RABGAP1L: variants seen among roughly 807,000 people sequenced by gnomAD.
RABGAP1L encodes rab GTPase-activating protein 1-like.
A neutral mutation model predicts 137.7 loss-of-function variants in RABGAP1L; 63 were observed. The observed-to-expected ratio is 0.46, with a 90% CI of 0.37 to 0.56. The LOEUF (loss-of-function observed/expected upper bound fraction) is 0.56. Among genes scored for constraint, RABGAP1L ranks in the 20% least tolerant of loss-of-function variants. The probability of loss-of-function intolerance (pLI) is 0.00; values close to 1 mark genes in which losing one functional copy is unlikely to be tolerated. For synonymous variants in RABGAP1L, 431 were observed against 433.7 expected (o/e 0.99, Z 0.08); for missense variants, 1,095 against 1,244.0 (o/e 0.88, Z 1.80).
intron 11 of RABGAP1L, among the ~76,000 whole-genome samples, chr1:174,320,062 A>T (rs1290426279): frequency 6.6e-6 from 1 of 152,152 alleles, no homozygotes; most frequent in Non-Finnish European, 1.5e-5. Context: ...GTGGGTTTTG[A>T]TACAGAACCA....
chr1:174,341,101 AG>A (rs1681934705), intron 11 of RABGAP1L, among the ~76,000 whole-genome samples: 1 of 151,330 alleles, frequency 6.6e-6, no homozygotes, highest in Admixed American at 6.6e-5. Flanking sequence ...GCCACTTTTT[AG>A]TGGGGTTTTG....
intron 14 of RABGAP1L, among the ~76,000 whole-genome samples, chr1:174,662,405 GGTT>G (rs1438623575): frequency 6.7e-6 from 1 of 148,310 alleles, no homozygotes; most frequent in Non-Finnish European, 1.5e-5. Context: ...CGCCTGGCCT[GGTT>G]GTTTGTTTGT....
At chr1:174,285,463 A>G (rs1675974329) in intron 10 of RABGAP1L, among the ~76,000 whole-genome samples, 1 of 150,780 alleles carries the variant, frequency 6.6e-6, no homozygotes, top group Admixed American at 6.6e-5. Flanking sequence ...ATAGAAATAC[A>G]AGCAAATTTT....
chr1:174,867,340 C>CA (rs1308647485), intron 19 of RABGAP1L, among the ~76,000 whole-genome samples: 109 of 139,084 alleles, frequency 7.8e-4, no homozygotes, highest in African/African-American at 1.4e-3. Flanking sequence ...GAGATCGCGC[C>CA]AAAAAAAAAA....
chr1:174,820,654 TA>T (rs1690919751), intron 19 of RABGAP1L, among the ~76,000 whole-genome samples: 1 of 152,174 alleles, frequency 6.6e-6, no homozygotes, highest in African/African-American at 2.4e-5. Context: ...TTAATTCCCT[TA>T]TTGGGGGTTA....
intron 11 of RABGAP1L, among the ~76,000 whole-genome samples, chr1:174,359,027 A>G (rs1182678937): frequency 6.6e-6 from 1 of 152,240 alleles, no homozygotes; most frequent in East Asian, 1.9e-4. Context: ...CCTAACCTGA[A>G]TTATGATGGA....
At chr1:174,689,173 A>C (rs953690167) in intron 15 of RABGAP1L, among the ~76,000 whole-genome samples, 2 of 152,002 alleles carry the variant, frequency 1.3e-5, no homozygotes, top group African/African-American at 4.8e-5. Flanking sequence ...GAGTAAAATA[A>C]AATTAAAAAT....
At chr1:174,510,763 A>G (rs1662258766) in intron 13 of RABGAP1L, among the ~76,000 whole-genome samples, 1 of 152,324 alleles carries the variant, frequency 6.6e-6, no homozygotes, top group South Asian at 2.1e-4. Flanking sequence ...TGGAACAACA[A>G]TACTATGTTT....
chr1:174,376,091 A>T lies in RABGAP1L; in HGVS notation c.1559+5019A>T, dbSNP rs1325193656. 3.3e-5 allele frequency among the ~76,000 whole-genome samples: 5 copies of T among 151,702 alleles called. No homozygotes were observed. The South Asian group carries it at 8.4e-4, about 25-fold the overall frequency. Reference sequence around the variant, plus strand: ...AAAATAAAGTAGAGTAAAGTAAAGTAAAGAAAAGGAAAGAAGGAAGGAGAG... The same window carrying T: ...AAAATAAAGTAGAGTAAAGTAAAGTTAAGAAAAGGAAAGAAGGAAGGAGAG... On this transcript the variant is annotated intron_variant, in intron 12 of 25. Transcript: ENST00000681986.
In RABGAP1L at chr1:174,620,481, C is replaced by A. The variant is rs144970570; in HGVS notation, c.1711-16894C>A. Among the ~76,000 whole-genome samples the A allele has an allele frequency of 1.0e-3, 152 of 152,322 alleles. 1 individual carries two copies. Among genetic ancestry groups the A allele is most frequent in the Admixed American group, 8.6e-3 (131 of 15,300 alleles). On this transcript the variant is annotated intron_variant, in intron 13 of 25. Transcript: ENST00000681986. ...AACTAGAACTCAGGATTAAGACACT[C>A]ACTCAAAATCACTCAACTACATGGA...
intron 13 of RABGAP1L, among the ~76,000 whole-genome samples, chr1:174,628,924 A>G (rs769577434): frequency 2.0e-5 from 3 of 152,214 alleles, no homozygotes; most frequent in Non-Finnish European, 4.4e-5. Context: ...TTTCAGCCAT[A>G]TAAAAATAAA....
chr1:174,220,913 A>G, intron 2 of RABGAP1L, 59 bp from the exon 3 acceptor site: 5 of 1,359,910 alleles, frequency 3.7e-6, no homozygotes, highest in Non-Finnish European at 4.9e-6. Flanking sequence ...ATACTTTCAT[A>G]AAATTTAGCT....
chr1:174,239,125 CTCGCGCACCGT>C (rs929359646), intron 4 of RABGAP1L, among the ~76,000 whole-genome samples: 1 of 152,176 alleles, frequency 6.6e-6, no homozygotes, highest in Admixed American at 6.5e-5. Context: ...CCTGCTTCGG[CTCGCGCACCGT>C]GCGCGCACCA....
At chr1:174,241,031 T>C (rs1671770598) in intron 4 of RABGAP1L, among the ~76,000 whole-genome samples, 1 of 152,146 alleles carries the variant, frequency 6.6e-6, no homozygotes, top group African/African-American at 2.4e-5. Flanking sequence ...TTTAAGATAG[T>C]TATGTTTGGC....
At chr1:174,286,472 CTAGT>C (rs1442967200) in intron 10 of RABGAP1L, among the ~76,000 whole-genome samples, 1 of 151,536 alleles carries the variant, frequency 6.6e-6, no homozygotes, top group Non-Finnish European at 1.5e-5. Context: ...CTTGGCTATT[CTAGT>C]TAAAGTTTTG....
intron 14 of RABGAP1L, among the ~76,000 whole-genome samples, chr1:174,645,097 G>A (rs1364066605): frequency 6.6e-6 from 1 of 152,004 alleles, no homozygotes; most frequent in Non-Finnish European, 1.5e-5. Flanking sequence ...AAGTACGTGA[G>A]ATGATAGATA....
chr1:174,577,008 T>A (rs1668415965), intron 13 of RABGAP1L, among the ~76,000 whole-genome samples: 2 of 151,928 alleles, frequency 1.3e-5, no homozygotes, highest in African/African-American at 4.8e-5. Context: ...CATAACCACA[T>A]CTTACATAAA....
At chr1:174,575,434 C>A (rs1188695101) in intron 13 of RABGAP1L, among the ~76,000 whole-genome samples, 2 of 152,072 alleles carry the variant, frequency 1.3e-5, no homozygotes, top group African/African-American at 4.8e-5. Context: ...GGAAGTAAGC[C>A]AGAAGGAACC....
intron 13 of RABGAP1L, among the ~76,000 whole-genome samples, chr1:174,564,111 A>G (rs935435164): frequency 2.6e-5 from 4 of 152,042 alleles, no homozygotes; most frequent in African/African-American, 9.7e-5. Flanking sequence ...TTTTAGTATA[A>G]TTTTCTATTT....
Sources: allele counts gnomAD v4.1 joint callset (sites outside exome capture counted in the v4.1 genomes callset), GRCh38; gene constraint gnomAD v4.1.1; transcripts MANE v1.5; gene names NCBI Gene and HGNC (gene_info 2026-07-23, HGNC 2026-07-21).